Variants in GRN observed in about 807,000 individuals in gnomAD.
GRN encodes the protein granulin precursor.
A neutral mutation model predicts 66.7 loss-of-function variants in GRN; 30 were observed. The ratio of observed to expected loss-of-function variants is 0.45; its 90% CI spans 0.34 to 0.61. The LOEUF (loss-of-function observed/expected upper bound fraction) is 0.61. Ranked by LOEUF, GRN falls within the 20% of genes least tolerant of loss-of-function variation. The pLI, the probability that GRN is intolerant of heterozygous loss-of-function variation, is 0.01. For synonymous variants in GRN, 327 were observed against 311.1 expected (o/e 1.05, Z -0.54); for missense variants, 731 against 803.5 (o/e 0.91, Z 1.09).
chr17:44,351,570 C>T lies in GRN; in HGVS notation c.954C>T (p.His318=). Residue 318 remains histidine (H), a synonymous_variant, in exon 10 of 13, where the codon CAC becomes CAT. Transcript: ENST00000053867. ...CCTAGGCTGTGTGCTGTGAGGACCA[C>T]ATACACTGCTGTCCCGCGGGGTTTA... The part of the protein sequence containing the change: ...PFTQAVCCED[H]IHCCPAGFTC... 1.9e-6 allele frequency: 3 copies of T among 1,614,118 alleles called. No homozygotes were observed. Among genetic ancestry groups the T allele is most frequent in the Non-Finnish European group, 2.5e-6 (3 of 1,179,982 alleles).
chr17:44,351,684 C>T lies in GRN; in HGVS notation c.1068C>T (p.Asp356=), dbSNP rs1294154854. ...EKAPAHLSLP[D]PQALKRDVPC... ...CCCCAGCTCACCTCAGCCTGCCAGA[C>T]CCACAAGCCTTGAAGAGAGATGTCC... The change falls in exon 10 of 13, where the codon GAC becomes GAT. Residue 356 remains aspartate, a synonymous_variant. Transcript: ENST00000053867. 1 of 1,613,930 alleles carries T rather than the reference C, an allele frequency of 6.2e-7. No homozygotes were observed. The highest frequency in any genetic ancestry group is 1.3e-5 in the African/African-American group (1 of 74,904).
At chr17:44,346,188 C>T (rs2879096) in intron 1 of GRN, 42,788 of 154,108 alleles carry the variant, frequency 0.28, 6,409 homozygotes, top group East Asian at 0.59. Context: ...CAGCGGACAG[C>T]CTGCTGAGAA....
chr17:44,352,313 T>A, intron 11 of GRN, 28 bp from the exon 12 acceptor site: 3 of 1,607,696 alleles, frequency 1.9e-6, no homozygotes, highest in Non-Finnish European at 2.6e-6. Flanking sequence ...AGGAACATAA[T>A]GCCATTCTGT....
chr17:44,351,820 G>A (rs753150474), intron 10 of GRN, 25 bp downstream of exon 10: 1 of 1,609,078 alleles, frequency 6.2e-7, no homozygotes, highest in South Asian at 1.1e-5. Context: ...ACAGCATCTT[G>A]GCCTGGGCAG....
intron 1 of GRN, among the ~76,000 whole-genome samples, chr17:44,348,187 C>A (rs1354156524): frequency 2.0e-5 from 3 of 152,164 alleles, no homozygotes; most frequent in Non-Finnish European, 4.4e-5. Flanking sequence ...ACAGACATTA[C>A]TGTTTTTGCT....
At position 44,349,406 on chromosome 17, in the gene GRN, CATT is replaced by C; in HGVS notation, c.139-19_139-17del. 1 of 1,614,208 alleles carries C rather than the reference CATT, an allele frequency of 6.2e-7. No individual in the cohort carries two copies. The highest frequency in any genetic ancestry group is 1.3e-5 in the African/African-American group (1 of 75,068). On this transcript the variant is annotated splice_polypyrimidine_tract_variant and intron_variant, in intron 2 of 12. Transcript: ENST00000053867. ...CGCCAGGCACAAGTCTGTGGTTTAT[CATT>C]TTCCCTGTCTTTCTAGGACAAATGG...
chr17:44,350,064 TGAG>T (rs2048357210), intron 4 of GRN, among the ~76,000 whole-genome samples, 161 bp from the exon 5 acceptor site: 1 of 152,012 alleles, frequency 6.6e-6, no homozygotes, highest in African/African-American at 2.4e-5. Context: ...GACTGGATTG[TGAG>T]GAGGGTGAGT....
At chr17:44,348,980 C>T (rs1263855627) in intron 1 of GRN, among the ~76,000 whole-genome samples, 178 bp from the exon 2 acceptor site, 1 of 152,262 alleles carries the variant, frequency 6.6e-6, no homozygotes, top group African/African-American at 2.4e-5. Context: ...ACACGGGGCG[C>T]TGTAGGAAGC....
intron 1 of GRN, 109 bp downstream of exon 1, chr17:44,345,443 C>T (rs1478858238): frequency 6.6e-6 from 1 of 152,240 alleles, no homozygotes; most frequent in Non-Finnish European, 1.5e-5. Flanking sequence ...ACAGAAGAAC[C>T]GCTTACTGAA....
chr17:44,348,202 C>A (rs1296519936), intron 1 of GRN, among the ~76,000 whole-genome samples: 2 of 152,134 alleles, frequency 1.3e-5, no homozygotes, highest in Non-Finnish European at 2.9e-5. Context: ...TTTGCTTCTT[C>A]ATTATGAGTT....
chr17:44,351,510 C>T lies in GRN; in HGVS notation c.934-40C>T, dbSNP rs369923938. ...GGCTGAGCACAGTGTGGCAGGCAGC[C>T]GGGCCCCAGTGCCCACCTGCCCTTC... On this transcript the variant is annotated intron_variant, in intron 9 of 12. Coordinates refer to ENST00000053867, the MANE Select transcript of GRN (RefSeq NM_002087.4). 3.1e-5 allele frequency: 50 copies of T among 1,613,202 alleles called. 1 individual carries two copies. The highest frequency in any genetic ancestry group is 8.0e-5 in the African/African-American group (6 of 74,834).
At chr17:44,351,984 C>T in intron 10 of GRN, 31 bp from the exon 11 acceptor site, 1 of 1,569,980 alleles carries the variant, frequency 6.4e-7, no homozygotes, top group East Asian at 2.2e-5. Flanking sequence ...ATAGTGGCTA[C>T]CTACAACGCC....
chr17:44,345,432 A>T (rs994939386), intron 1 of GRN, 98 bp downstream of exon 1: 3 of 152,296 alleles, frequency 2.0e-5, no homozygotes, highest in African/African-American at 7.2e-5. Flanking sequence ...AGCCGGAGAC[A>T]ACAGAAGAAC....
At position 44,351,888 on chromosome 17, in the gene GRN, A is replaced by T. The variant is rs988740653; in HGVS notation, c.1179+93A>T. 4.6e-6 allele frequency: 7 copies of T among 1,506,110 alleles called. No homozygotes were observed. In the Admixed American group the frequency reaches 1.2e-4, roughly 25 times the overall value. The allele number at this position is 1,506,110 out of a possible 1,614,324, so 93.3% of individuals were successfully genotyped here. On this transcript the variant is annotated intron_variant, in intron 10 of 12. Transcript: ENST00000053867. ...TCCGCATAGCCCATAGGTGATACCCAGCTCTGACAGATTCGTCCCCAGCTG... is the reference window on the plus strand; with the variant it reads ...TCCGCATAGCCCATAGGTGATACCCTGCTCTGACAGATTCGTCCCCAGCTG...
Position 44,351,038 on chromosome 17 carries a change from C to T in GRN, c.710C>T (p.Ala237Val). 6.2e-7 allele frequency: 1 copy of T among 1,613,628 alleles called. No homozygotes were observed. The highest frequency in any genetic ancestry group is 8.5e-7 in the Non-Finnish European group (1 of 1,179,922). Residue 237 changes from alanine (A) to valine (V), a missense_variant and splice_region_variant, in exon 8 of 13, where the codon GCC (alanine) becomes GTC (valine). Physicochemically the swap from Ala to Val is moderately conservative, Grantham distance 64. Around this residue, in one of 3 missense-constraint regions of GRN, gnomAD observed 370 missense variants for 379.8 expected, o/e 0.97. Coordinates refer to ENST00000053867, the MANE Select transcript of GRN (RefSeq NM_002087.4). Reference protein sequence around the residue: ...GKYGCCPMPNATCCSDHLHCC... With the variant: ...GKYGCCPMPNVTCCSDHLHCC... ...AGACCCACCCCTGTCCCCACTCAGG[C>T]CACCTGCTGCTCCGATCACCTGCAC...
Position 44,351,116 on chromosome 17 carries a change from A to G in GRN, c.788A>G (p.Lys263Arg). 1 of 1,614,054 alleles carries G rather than the reference A, an allele frequency of 6.2e-7. No homozygotes were observed. The highest frequency in any genetic ancestry group is 1.1e-5 in the South Asian group (1 of 91,084). ...CDLIQSKCLS[K>R]ENATTDLLTK... ...CTGATCCAGAGTAAGTGCCTCTCCA[A>G]GGAGAACGCTACCACGGACCTCCTC... is the stretch of plus-strand genomic sequence containing the variant. The change falls in exon 8 of 13, where the codon AAG becomes AGG. Residue 263 changes from lysine to arginine, a missense_variant. Transcript: ENST00000053867.
At chr17:44,346,018 C>T (rs2048324289) in intron 1 of GRN, 1 of 152,264 alleles carries the variant, frequency 6.6e-6, no homozygotes, top group South Asian at 2.1e-4. Flanking sequence ...TGCGACTCGC[C>T]TCCTCATCCC....
At chr17:44,346,040 G>C (rs1034348156) in intron 1 of GRN, 1 of 152,232 alleles carries the variant, frequency 6.6e-6, no homozygotes, top group African/African-American at 2.4e-5. Context: ...GTTTCTGTAT[G>C]CGAGTGCTTG....
At chr17:44,349,610 C>G (rs771353581) in intron 3 of GRN, 57 bp from the exon 4 acceptor site, 1 of 1,611,410 alleles carries the variant, frequency 6.2e-7, no homozygotes, top group Non-Finnish European at 8.5e-7. Context: ...TTTTCCTGCA[C>G]TCTACCACCT....
Sources: gnomAD v4.1 joint callset for allele counts (sites outside exome capture counted in the v4.1 genomes callset) on GRCh38, gnomAD v4.1.1 for gene constraint, gnomAD v4.1.1 regional missense constraint, MANE v1.5 for transcripts, NCBI Gene and HGNC (gene_info 2026-07-23, HGNC 2026-07-21) for gene names.